The following ZSWIM5 variants were observed in gnomAD, a reference collection of about 807,000 sequenced individuals.
ZSWIM5 encodes the protein zinc finger SWIM domain-containing protein 5.
In ZSWIM5, 55 loss-of-function variants were observed where a neutral mutation model predicts 119.6. The ratio of observed to expected loss-of-function variants is 0.46; its 90% CI spans 0.37 to 0.58. The LOEUF is 0.58. Among genes scored for constraint, ZSWIM5 ranks in the 20% least tolerant of loss-of-function variants. The pLI is 0.00. For synonymous variants in ZSWIM5, 537 were observed against 606.9 expected (o/e 0.88, Z 1.69); for missense variants, 1,193 against 1,512.8 (o/e 0.79, Z 3.51).
intron 2 of ZSWIM5, among the ~76,000 whole-genome samples, chr1:45,085,337 G>T (rs1234404709): frequency 6.6e-6 from 1 of 152,100 alleles, no homozygotes; most frequent in African/African-American, 2.4e-5. Flanking sequence ...TGCCATGAAG[G>T]TGTCTGAAAT....
intron 1 of ZSWIM5, among the ~76,000 whole-genome samples, chr1:45,143,699 A>C (rs1645743998): frequency 6.6e-6 from 1 of 152,186 alleles, no homozygotes; most frequent in Non-Finnish European, 1.5e-5. Flanking sequence ...ATAAAAATAT[A>C]CAGATTGGAA....
At chr1:45,180,711 G>A (rs1188739143) in intron 1 of ZSWIM5, among the ~76,000 whole-genome samples, 4 of 152,052 alleles carry the variant, frequency 2.6e-5, no homozygotes, top group East Asian at 1.9e-4. Context: ...CACCTCACAC[G>A]GCTGGGTACT....
chr1:45,119,811 AT>A (rs1645580723), intron 1 of ZSWIM5, among the ~76,000 whole-genome samples: 1 of 152,150 alleles, frequency 6.6e-6, no homozygotes, highest in Non-Finnish European at 1.5e-5. Context: ...AAAACTTCTC[AT>A]TTTCACATCT....
At chr1:45,127,442 C>CT (rs569318285) in intron 1 of ZSWIM5, among the ~76,000 whole-genome samples, 1,977 of 142,568 alleles carry the variant, frequency 0.014, 28 homozygotes, top group South Asian at 0.05. Context: ...TCTGCTCTCA[C>CT]TTTTTTTTTT....
chr1:45,153,093 T>TAAAAA (rs76324771), intron 1 of ZSWIM5, among the ~76,000 whole-genome samples: 1 of 105,866 alleles, frequency 9.4e-6, no homozygotes, highest in African/African-American at 3.2e-5. Context: ...ATTAAAAAGT[T>TAAAAA]AAAAAAAAAA....
intron 1 of ZSWIM5, among the ~76,000 whole-genome samples, chr1:45,169,894 C>T (rs1468416625): frequency 6.6e-6 from 1 of 152,000 alleles, no homozygotes; most frequent in Non-Finnish European, 1.5e-5. Flanking sequence ...CACATATATA[C>T]TAGTTATGAA....
At chr1:45,136,667 G>A (rs540624411) in intron 1 of ZSWIM5, among the ~76,000 whole-genome samples, 2 of 152,242 alleles carry the variant, frequency 1.3e-5, no homozygotes, top group African/African-American at 4.8e-5. Flanking sequence ...TCTGGAACAC[G>A]TTACCTTCCT....
intron 1 of ZSWIM5, among the ~76,000 whole-genome samples, chr1:45,119,671 G>A (rs764030604): frequency 2.0e-5 from 3 of 152,082 alleles, no homozygotes; most frequent in Non-Finnish European, 4.4e-5. Context: ...TTCACTCATC[G>A]TCAGTAGCTG....
chr1:45,121,151 C>CCAT (rs1645589379), intron 1 of ZSWIM5, among the ~76,000 whole-genome samples: 1 of 152,178 alleles, frequency 6.6e-6, no homozygotes, highest in Non-Finnish European at 1.5e-5. Flanking sequence ...CAGGGTTTCA[C>CCAT]CATGTTAGCC....
intron 2 of ZSWIM5, among the ~76,000 whole-genome samples, chr1:45,064,374 T>C (rs1645171234): frequency 6.6e-6 from 1 of 152,238 alleles, no homozygotes; most frequent in African/African-American, 2.4e-5. Context: ...TAGGGATTCA[T>C]TTTTGTACTT....
chr1:45,204,813 T>C (rs1367194851), intron 1 of ZSWIM5, among the ~76,000 whole-genome samples: 1 of 152,086 alleles, frequency 6.6e-6, no homozygotes, highest in Non-Finnish European at 1.5e-5. Flanking sequence ...ATAATCCAAA[T>C]AGAAAAAAAT....
intron 1 of ZSWIM5, among the ~76,000 whole-genome samples, chr1:45,094,083 G>C (rs1364592289): frequency 6.8e-6 from 1 of 147,516 alleles, no homozygotes; most frequent in Non-Finnish European, 1.5e-5. Context: ...TTGAGACGGA[G>C]TCTTACCCTG....
intron 1 of ZSWIM5, among the ~76,000 whole-genome samples, chr1:45,161,234 T>C (rs1039760997): frequency 1.3e-5 from 2 of 152,142 alleles, no homozygotes; most frequent in African/African-American, 4.8e-5. Flanking sequence ...GCAGGATCCC[T>C]TTGACATAGA....
At chr1:45,049,755 A>G (rs1042461209) in intron 5 of ZSWIM5, among the ~76,000 whole-genome samples, 1 of 152,176 alleles carries the variant, frequency 6.6e-6, no homozygotes, top group Non-Finnish European at 1.5e-5. Context: ...CAGAGGTTGC[A>G]GTGAGCCGAG....
intron 1 of ZSWIM5, among the ~76,000 whole-genome samples, chr1:45,120,140 T>A (rs1009163609): frequency 1.3e-5 from 2 of 152,134 alleles, no homozygotes; most frequent in Non-Finnish European, 2.9e-5. Context: ...GGTCAGGCAT[T>A]CTAGACTAGC....
Position 45,206,308 on chromosome 1 carries a change from G to A in ZSWIM5, c.43C>T (p.Pro15Ser), listed in dbSNP as rs1364231194. The A allele has an allele frequency of 3.9e-6, 6 of 1,543,478 alleles. No homozygotes were observed. The Middle Eastern group carries it at 5.1e-4, about 131-fold the overall frequency. The stretch of plus-strand genomic sequence containing the variant: ...CACTGCCGCTTAGCCGGAGAGACCG[G>A]TGACGGCGAGAGCAGCTCCTCTCGC... Reference protein sequence around the residue: ...GEREELLSPSPVSPAKRQCSW... With the variant: ...GEREELLSPSSVSPAKRQCSW... The change falls in exon 1 of 14, where the codon CCG becomes TCG. Residue 15 changes from proline to serine, a missense_variant. Physicochemically the swap from Pro to Ser is moderately conservative, Grantham distance 74. Coordinates refer to ENST00000359600, the MANE Select transcript of ZSWIM5 (RefSeq NM_020883.2).
intron 1 of ZSWIM5, among the ~76,000 whole-genome samples, chr1:45,089,397 G>A (rs560798105): frequency 6.6e-6 from 1 of 152,286 alleles, no homozygotes; most frequent in East Asian, 1.9e-4. Flanking sequence ...TAGGCCTAGG[G>A]ATGCTAACAA....
At position 45,071,734 on chromosome 1, in the gene ZSWIM5, C is replaced by T. The variant is rs540518318; in HGVS notation, c.953-11487G>A. Among the ~76,000 whole-genome samples, 6 of 152,266 alleles carry T rather than the reference C, an allele frequency of 3.9e-5. No individual in the cohort carries two copies. In the East Asian group the frequency reaches 1.2e-3, roughly 29 times the overall value. On this transcript the variant is annotated intron_variant, in intron 2 of 13. Coordinates refer to ENST00000359600, the MANE Select transcript of ZSWIM5 (RefSeq NM_020883.2). ...TCGACCTCCCAAAGTGCTAGGACTA[C>T]AGGTGTGAGCCACTGCACCCAGCTG...
At chr1:45,168,558 G>A (rs559791572) in intron 1 of ZSWIM5, among the ~76,000 whole-genome samples, 5 of 149,994 alleles carry the variant, frequency 3.3e-5, no homozygotes, top group African/African-American at 9.8e-5. Flanking sequence ...CCAGCTACTC[G>A]GGAGGCTGAG....
Sources: gnomAD v4.1 joint callset for allele counts (sites outside exome capture counted in the v4.1 genomes callset) on GRCh38, gnomAD v4.1.1 for gene constraint, MANE v1.5 for transcripts, NCBI Gene and HGNC (gene_info 2026-07-23, HGNC 2026-07-21) for gene names.